TBXAS1: variants seen among roughly 807,000 people sequenced by gnomAD.
TBXAS1 encodes thromboxane A synthase 1.
A neutral mutation model predicts 60.7 loss-of-function variants in TBXAS1; 48 were observed. The ratio of observed to expected loss-of-function variants is 0.79; its 90% CI spans 0.63 to 1.01. The LOEUF (loss-of-function observed/expected upper bound fraction) is 1.01. Among genes scored for constraint, TBXAS1 ranks in the 50% least tolerant of loss-of-function variants. The pLI is 0.00. For missense variants in TBXAS1, 685 were observed against 686.3 expected, an observed-to-expected ratio of 1.00 and a Z score of 0.02; for synonymous variants, 287 against 269.7, an observed-to-expected ratio of 1.06 and a Z score of -0.63.
intron 3 of TBXAS1, among the ~76,000 whole-genome samples, chr7:139,881,246 A>G (rs1000402905): frequency 5.3e-5 from 8 of 152,132 alleles, no homozygotes; most frequent in African/African-American, 1.9e-4. Context: ...ATTTCTTCCA[A>G]TCAGAAAACA....
At chr7:139,984,462 G>A (rs1383779317) in intron 9 of TBXAS1, among the ~76,000 whole-genome samples, 3 of 151,358 alleles carry the variant, frequency 2.0e-5, no homozygotes, top group Non-Finnish European at 2.9e-5. Flanking sequence ...AGTAACCAGG[G>A]TCCCTCACCT....
At chr7:140,007,282 T>A in intron 10 of TBXAS1, 100 bp downstream of exon 10, 1 of 1,123,416 alleles carries the variant, frequency 8.9e-7, no homozygotes, top group Non-Finnish European at 1.3e-6. Flanking sequence ...TTACCACTTG[T>A]GTTTCTGGAG....
intron 3 of TBXAS1, among the ~76,000 whole-genome samples, chr7:139,888,156 T>G (rs1002152553): frequency 6.6e-6 from 1 of 152,174 alleles, no homozygotes; most frequent in Non-Finnish European, 1.5e-5. Context: ...CACGATAAAT[T>G]CAGTTTGCTT....
chr7:139,882,013 T>C (rs938204546), intron 3 of TBXAS1, among the ~76,000 whole-genome samples: 2 of 152,204 alleles, frequency 1.3e-5, no homozygotes, highest in African/African-American at 4.8e-5. Context: ...AAGCTCAGCT[T>C]CCATGGTGCC....
chr7:139,926,563 T>C (rs984012810), intron 4 of TBXAS1, among the ~76,000 whole-genome samples: 2 of 152,084 alleles, frequency 1.3e-5, no homozygotes, highest in Admixed American at 1.3e-4. Context: ...ATTTTGTTTA[T>C]CTTTTCAAAA....
chr7:140,013,585 A>G lies in TBXAS1; in HGVS notation c.1227-2138A>G, dbSNP rs539286247. On this transcript the variant is annotated intron_variant, in intron 10 of 12. Transcript: ENST00000448866. This position sits in a 1 kb window ranked among gnomAD's most constrained non-coding sequence, Gnocchi z 4.2. ...GGGGTAAGGAAGCTAGAACTCTCCC[A>G]GGAACCAGGAACGGCTCTCACTGGC... Among the ~76,000 whole-genome samples the G allele has an allele frequency of 1.3e-5, 2 of 152,368 alleles. No individual in the cohort carries two copies. The highest frequency in any genetic ancestry group is 1.3e-4 in the Admixed American group (2 of 15,306).
chr7:139,791,816 T>G (rs1047787996), intron 4 of TBXAS1, among the ~76,000 whole-genome samples: 9,633 of 151,712 alleles, frequency 0.063, 1,056 homozygotes, highest in African/African-American at 0.22. Context: ...TTGTTTTTTT[T>G]TTTTTTTTCA....
At chr7:139,836,695 C>A (rs948884938) in intron 1 of TBXAS1, among the ~76,000 whole-genome samples, 3 of 152,180 alleles carry the variant, frequency 2.0e-5, no homozygotes, top group African/African-American at 7.2e-5. Flanking sequence ...AACCTAAGAC[C>A]TGAAACTATA....
At chr7:139,947,809 C>A (rs963387784) in intron 5 of TBXAS1, among the ~76,000 whole-genome samples, 1 of 152,088 alleles carries the variant, frequency 6.6e-6, no homozygotes, top group Admixed American at 6.5e-5. Context: ...ACTGCAACCC[C>A]GGTCTTAGCT....
At chr7:139,789,040 C>T (rs1381253873) in intron 4 of TBXAS1, among the ~76,000 whole-genome samples, 2 of 152,152 alleles carry the variant, frequency 1.3e-5, no homozygotes, top group Non-Finnish European at 2.9e-5. Context: ...ATAACCCTTT[C>T]TCCAATTCTG....
intron 3 of TBXAS1, among the ~76,000 whole-genome samples, chr7:139,905,019 C>CTTTCT (rs1261937909): frequency 3.2e-3 from 243 of 75,226 alleles, no homozygotes; most frequent in African/African-American, 0.017. Context: ...TTCTTTCTTT[C>CTTTCT]TTTCTTTCTT....
At chr7:140,017,926 A>C (rs1047028140) in intron 12 of TBXAS1, 93 bp downstream of exon 12, 27 of 1,561,020 alleles carry the variant, frequency 1.7e-5, no homozygotes, top group Non-Finnish European at 2.4e-5. Context: ...TGGGGGCAAC[A>C]TCAGGCTCTG....
chr7:139,820,843 T>C lies in TBXAS1; in HGVS notation c.-79-8469T>C, dbSNP rs375819832. On this transcript the variant is annotated intron_variant, in intron 4 of 16. Coordinates refer to the TBXAS1 transcript ENST00000336425. ...ACAAATTCAATAAATAATTCTTGGA[T>C]TAATGAATAAGAGGTCAATCAGGAG... is the stretch of plus-strand genomic sequence containing the variant. Among the ~76,000 whole-genome samples, 4 of 152,170 alleles carry C rather than the reference T, an allele frequency of 2.6e-5. No individual in the cohort carries two copies. The East Asian group carries it at 7.8e-4, about 29-fold the overall frequency.
At chr7:139,923,176 A>ATATATATATATATATATATATATATAT (rs1554490812) in intron 4 of TBXAS1, among the ~76,000 whole-genome samples, 4 of 152,008 alleles carry the variant, frequency 2.6e-5, no homozygotes, top group African/African-American at 4.8e-5. Flanking sequence ...ATATATATAT[A>ATATATATATATATATATATATATATAT]ATTAGCCAGG....
intron 9 of TBXAS1, among the ~76,000 whole-genome samples, chr7:139,974,197 G>C (rs955473780): frequency 6.6e-6 from 1 of 152,154 alleles, no homozygotes; most frequent in African/African-American, 2.4e-5. Flanking sequence ...GAGGGAGGGT[G>C]GTTCCTTAAA....
At chr7:139,915,398 G>A (rs1407014683) in intron 4 of TBXAS1, among the ~76,000 whole-genome samples, 1 of 152,048 alleles carries the variant, frequency 6.6e-6, no homozygotes, top group African/African-American at 2.4e-5. Flanking sequence ...ACATTCACTC[G>A]GTAAACATTA....
intron 1 of TBXAS1, among the ~76,000 whole-genome samples, chr7:139,842,274 T>C (rs1799499414): frequency 6.6e-6 from 1 of 152,192 alleles, no homozygotes; most frequent in South Asian, 2.1e-4. Context: ...ATCTTATTTG[T>C]TGTATAAACA....
chr7:139,987,153 G>A (rs58311454), intron 9 of TBXAS1, among the ~76,000 whole-genome samples: 3,381 of 152,062 alleles, frequency 0.022, 121 homozygotes, highest in African/African-American at 0.078. Context: ...TGATGCCTGG[G>A]GCTCCCCACG....
At chr7:139,986,577 C>T (rs1812473386) in intron 9 of TBXAS1, among the ~76,000 whole-genome samples, 1 of 151,594 alleles carries the variant, frequency 6.6e-6, no homozygotes, top group African/African-American at 2.4e-5. Flanking sequence ...TTTGCATCCT[C>T]ATAGCTCCCG....
Sources: gnomAD v4.1 joint callset for allele counts (sites outside exome capture counted in the v4.1 genomes callset) on GRCh38, gnomAD v4.1.1 for gene constraint, Gnocchi (gnomAD v3.1) non-coding constraint, MANE v1.5 for transcripts, NCBI Gene and HGNC (gene_info 2026-07-23, HGNC 2026-07-21) for gene names.